The following DNAH17 variants were observed in gnomAD, a reference collection of about 807,000 sequenced individuals.
DNAH17 encodes axonemal beta dynein heavy chain 17.
Under a neutral mutation model 485.6 loss-of-function variants are expected in DNAH17, and 376 were observed. The observed-to-expected ratio is 0.77, with a 90% CI of 0.71 to 0.84. The LOEUF (loss-of-function observed/expected upper bound fraction) is 0.84, where lower values mean the gene tolerates loss of function less well. Among genes scored for constraint, DNAH17 ranks in the 40% least tolerant of loss-of-function variants. DNAH17 has a pLI of 0.00. For missense variants in DNAH17, 6,370 were observed against 5,839.3 expected (o/e 1.09, Z -2.96); for synonymous variants, 3,031 against 2,405.9 (o/e 1.26, Z -7.60).
chr17:78,537,070 C>T (rs879318567), intron 19 of DNAH17, among the ~76,000 whole-genome samples: 1 of 150,640 alleles, frequency 6.6e-6, no homozygotes, highest in Non-Finnish European at 1.5e-5. Flanking sequence ...CCCAGCTACT[C>T]GGGACGCTGA....
In DNAH17 at chr17:78,575,625, C is replaced by T. The variant is rs573091612; in HGVS notation, c.-25-543G>A. The stretch of plus-strand genomic sequence containing the variant: ...ACTTTCACTCTGCTCTGCACCCTTT[C>T]TCCCTCCAGCCCCCAGCGTGCACCC... On this transcript the variant is annotated intron_variant, in intron 1 of 80. Coordinates refer to ENST00000389840, the MANE Select transcript of DNAH17 (RefSeq NM_173628.4). Among the ~76,000 whole-genome samples the T allele has an allele frequency of 2.0e-5, 3 of 152,306 alleles. No individual in the cohort carries two copies. The South Asian group carries it at 6.2e-4, about 32-fold the overall frequency.
At chr17:78,428,416 T>C (rs759971960) in intron 77 of DNAH17, 109 bp downstream of exon 77, 6 of 1,337,182 alleles carry the variant, frequency 4.5e-6, no homozygotes, top group South Asian at 2.5e-5. Flanking sequence ...TGGGGCAGAG[T>C]GTACCTCACC....
chr17:78,556,972 C>T (rs55941576), intron 14 of DNAH17, among the ~76,000 whole-genome samples: 51,693 of 151,864 alleles, frequency 0.34, 9,059 homozygotes, highest in African/African-American at 0.4. Context: ...TCCAGGGCCT[C>T]GTGCCAGGAA....
chr17:78,469,147 TTTC>T (rs1459418282), intron 54 of DNAH17, among the ~76,000 whole-genome samples: 14 of 141,200 alleles, frequency 9.9e-5, no homozygotes, highest in African/African-American at 4.1e-4. Flanking sequence ...TTTCTGTCTT[TTTC>T]TTTTTTTTTG....
At position 78,475,694 on chromosome 17, in the gene DNAH17, T is replaced by C. The variant is rs371803093; in HGVS notation, c.8294A>G (p.Asn2765Ser). The change falls in exon 53 of 81, where the codon AAT becomes AGT. Residue 2765 changes from asparagine to serine, a missense_variant. Coordinates refer to ENST00000389840, the MANE Select transcript of DNAH17 (RefSeq NM_173628.4). ...KLLVDVLDSY[N>S]EVNAVMNLVL... ...CAAATTCATGACTGCATTAACTTCATTGTAGCTGTCCAGGACGTCCACGAG... is the reference window on the plus strand; with the variant it reads ...CAAATTCATGACTGCATTAACTTCACTGTAGCTGTCCAGGACGTCCACGAG... 1.4e-5 allele frequency: 22 copies of C among 1,613,682 alleles called. No homozygotes were observed. The African/African-American group carries it at 1.5e-4, about 11-fold the overall frequency.
chr17:78,467,268 G>C (rs192619953), intron 55 of DNAH17, among the ~76,000 whole-genome samples: 10 of 152,320 alleles, frequency 6.6e-5, no homozygotes, highest in Admixed American at 1.3e-4. Flanking sequence ...GGCCTGGGGG[G>C]CTCTCTGGCT....
intron 31 of DNAH17, 111 bp downstream of exon 31, chr17:78,505,182 G>T (rs572823008): frequency 5.6e-5 from 79 of 1,416,956 alleles, no homozygotes; most frequent in Middle Eastern, 2.3e-4. Context: ...GGGCGGGCTG[G>T]CAGCTGCACA....
At chr17:78,505,214 C>T (rs2090448240) in intron 31 of DNAH17, 79 bp downstream of exon 31, 7 of 1,569,118 alleles carry the variant, frequency 4.5e-6, no homozygotes, top group Middle Eastern at 1.8e-4. Flanking sequence ...CTCCGGACAT[C>T]GCCATCTGAG....
At chr17:78,547,968 T>C (rs1024325571) in intron 16 of DNAH17, among the ~76,000 whole-genome samples, 1 of 152,156 alleles carries the variant, frequency 6.6e-6, no homozygotes, top group Non-Finnish European at 1.5e-5. Context: ...GTCTCCCTCA[T>C]CTTACACATT....
Position 78,450,276 on chromosome 17 carries a change from G to A in DNAH17, c.11018C>T (p.Pro3673Leu), listed in dbSNP as rs748248679. ...FILNDLNKIN[P>L]VYQFSLKAFN... ...CACCTTGAGGGAGAACTGGTAGACG[G>A]GGTTGATTTTGTTGAGATCGTTCAG... The change falls in exon 68 of 81, where the codon CCC becomes CTC. Residue 3673 changes from proline to leucine, a missense_variant. Transcript: ENST00000389840. The A allele has an allele frequency of 3.1e-6, 5 of 1,613,978 alleles. No homozygotes were observed. The highest frequency in any genetic ancestry group is 2.2e-5 in the South Asian group (2 of 91,080).
chr17:78,430,623 C>T (rs2086638949), intron 75 of DNAH17, among the ~76,000 whole-genome samples: 1 of 152,154 alleles, frequency 6.6e-6, no homozygotes, highest in Admixed American at 6.5e-5. Flanking sequence ...CTCTGTTGCC[C>T]AGGCTGGAGT....
intron 17 of DNAH17, among the ~76,000 whole-genome samples, chr17:78,541,733 G>A (rs185047402): frequency 6.6e-6 from 1 of 152,200 alleles, no homozygotes; most frequent in Admixed American, 6.5e-5. Context: ...CTCCTCGCCT[G>A]CCCTCTTGCT....
At chr17:78,425,628 C>T (rs8069521) in intron 79 of DNAH17, 57 bp from the exon 80 acceptor site, 4 of 1,478,250 alleles carry the variant, frequency 2.7e-6, no homozygotes, top group East Asian at 2.4e-5. Context: ...TGGGAACGAC[C>T]GGGCCTTGGC....
intron 42 of DNAH17, 138 bp downstream of exon 42, chr17:78,492,495 C>T (rs1598574713): frequency 1.6e-6 from 2 of 1,225,898 alleles, no homozygotes; most frequent in Non-Finnish European, 1.1e-6. Flanking sequence ...ACCATGGTGC[C>T]ACCATTGCAG....
At chr17:78,468,524 T>TC (rs762088826) in intron 55 of DNAH17, 93 bp downstream of exon 55, 30 of 1,424,994 alleles carry the variant, frequency 2.1e-5, no homozygotes, top group Non-Finnish European at 2.8e-5. Flanking sequence ...GAAGGATCAG[T>TC]CCTCCTGCTC....
At position 78,475,842 on chromosome 17, in the gene DNAH17, A is replaced by G; in HGVS notation, c.8155-9T>C. ...AGTTCATCACCAAGATCCTAGAAAAAGAAAAAAAAAGACGATACTTCCGGT... is the reference window on the plus strand; with the variant it reads ...AGTTCATCACCAAGATCCTAGAAAAGGAAAAAAAAAGACGATACTTCCGGT... On this transcript the variant is annotated splice_polypyrimidine_tract_variant and intron_variant, in intron 52 of 80. Transcript: ENST00000389840. The G allele has an allele frequency of 6.8e-6, 11 of 1,606,274 alleles. No homozygotes were observed. The highest frequency in any genetic ancestry group is 9.3e-6 in the Non-Finnish European group (11 of 1,177,830).
chr17:78,498,956 T>G, intron 37 of DNAH17, 52 bp downstream of exon 37: 2 of 1,418,182 alleles, frequency 1.4e-6, no homozygotes, highest in Non-Finnish European at 1.9e-6. Flanking sequence ...ACAGGAAAGC[T>G]GACGAGCCAG....
At chr17:78,425,260 G>GTCTT in intron 80 of DNAH17, 86 bp downstream of exon 80, 1 of 1,374,254 alleles carries the variant, frequency 7.3e-7, no homozygotes, top group East Asian at 2.3e-5. Flanking sequence ...TGAACAGCCT[G>GTCTT]TCTTTGCCAA....
chr17:78,570,413 C>T (rs370891499), intron 6 of DNAH17, 41 bp from the exon 7 acceptor site: 83 of 1,590,128 alleles, frequency 5.2e-5, no homozygotes, highest in South Asian at 2.4e-4. Context: ...GGGGACTGGC[C>T]GCTGCACCTT....
Sources: allele counts gnomAD v4.1 joint callset (sites outside exome capture counted in the v4.1 genomes callset), GRCh38; gene constraint gnomAD v4.1.1; transcripts MANE v1.5; gene names NCBI Gene and HGNC (gene_info 2026-07-23, HGNC 2026-07-21).